MTUS1: variants seen among roughly 807,000 people sequenced by gnomAD.
The protein encoded by MTUS1 is microtubule-associated tumor suppressor 1.
MTUS1 carries 109 observed loss-of-function variants against 120.8 expected under a neutral mutation model. The ratio of observed to expected loss-of-function variants is 0.90; its 90% CI spans 0.77 to 1.06. The LOEUF is 1.06. MTUS1 is among the 50% of genes least tolerant of loss of function. The probability of loss-of-function intolerance (pLI) is 0.00; values close to 1 mark genes in which losing one functional copy is unlikely to be tolerated. For missense variants in MTUS1, 2,210 were observed against 1,486.3 expected (o/e 1.49, Z -8.01); for synonymous variants, 737 against 550.5 (o/e 1.34, Z -4.74).
At chr8:17,719,789 A>C (rs1823048568) in intron 4 of MTUS1, among the ~76,000 whole-genome samples, 1 of 152,204 alleles carries the variant, frequency 6.6e-6, no homozygotes, top group Admixed American at 6.5e-5. Context: ...TTGTGAGAGA[A>C]GAAAAAAAAC....
intron 11 of MTUS1, 38 bp from the exon 12 acceptor site, chr8:17,653,319 A>G: frequency 1.3e-6 from 2 of 1,491,256 alleles, no homozygotes; most frequent in Non-Finnish European, 1.8e-6. Context: ...AGTTAACAAG[A>G]AAACCCCAGA....
At chr8:17,651,905 T>G (rs1563563899) in intron 12 of MTUS1, 1 of 152,228 alleles carries the variant, frequency 6.6e-6, no homozygotes, top group African/African-American at 2.4e-5. Flanking sequence ...AAGTCTAGAT[T>G]TCTTTTGAAA....
intron 6 of MTUS1, among the ~76,000 whole-genome samples, chr8:17,712,338 T>C (rs974773757): frequency 2.6e-5 from 4 of 151,652 alleles, no homozygotes; most frequent in African/African-American, 9.7e-5. Context: ...GATCAATCCA[T>C]CTATCTTTTT....
chr8:17,699,033 C>G (rs1384005262), intron 6 of MTUS1, among the ~76,000 whole-genome samples: 2 of 152,100 alleles, frequency 1.3e-5, no homozygotes, highest in East Asian at 3.8e-4. Context: ...CTCTACCTCC[C>G]AAAACCTTGT....
chr8:17,726,031 G>A (rs1022624732), intron 3 of MTUS1, among the ~76,000 whole-genome samples: 6 of 152,010 alleles, frequency 3.9e-5, no homozygotes, highest in African/African-American at 9.7e-5. Context: ...ACACCCCTTC[G>A]TGGTTTCTCT....
intron 2 of MTUS1, among the ~76,000 whole-genome samples, chr8:17,750,512 AT>A (rs2048105253): frequency 2.6e-5 from 4 of 152,212 alleles, no homozygotes; most frequent in African/African-American, 9.7e-5. Context: ...TTGAAACCGT[AT>A]GGTGTATGGA....
intron 4 of MTUS1, among the ~76,000 whole-genome samples, chr8:17,720,344 T>TA (rs78717757): frequency 0.049 from 6,621 of 134,282 alleles, 270 homozygotes; most frequent in South Asian, 0.16. Flanking sequence ...AAACTCCATC[T>TA]AAAAAAAAAA....
chr8:17,714,195 C>A (rs934512315), intron 5 of MTUS1, among the ~76,000 whole-genome samples: 5 of 152,218 alleles, frequency 3.3e-5, no homozygotes, highest in African/African-American at 9.6e-5. Flanking sequence ...CAAATGACAA[C>A]CTGCTGCACA....
chr8:17,742,885 T>C (rs2047446049), intron 3 of MTUS1, among the ~76,000 whole-genome samples: 2 of 152,206 alleles, frequency 1.3e-5, no homozygotes, highest in African/African-American at 4.8e-5. Context: ...GACATGACTT[T>C]AATTTGCCCA....
chr8:17,749,909 C>A (rs1350421254), intron 2 of MTUS1, among the ~76,000 whole-genome samples: 2 of 152,076 alleles, frequency 1.3e-5, no homozygotes, highest in Non-Finnish European at 2.9e-5. Context: ...ATGTTTGGCT[C>A]AGAATAAATC....
chr8:17,735,602 G>A (rs1015999671), intron 3 of MTUS1, among the ~76,000 whole-genome samples: 1 of 152,134 alleles, frequency 6.6e-6, no homozygotes, highest in African/African-American at 2.4e-5. Flanking sequence ...AGCAACCCCA[G>A]CAGCCTCCTC....
chr8:17,770,391 T>C (rs537135039), intron 1 of MTUS1: 16 of 152,340 alleles, frequency 1.1e-4, no homozygotes, highest in Non-Finnish European at 2.1e-4. Flanking sequence ...GTGGTTTTAA[T>C]TTAAATGCCC....
intron 8 of MTUS1, among the ~76,000 whole-genome samples, chr8:17,660,889 A>C (rs568008733): frequency 6.6e-6 from 1 of 152,350 alleles, no homozygotes; most frequent in South Asian, 2.1e-4. Flanking sequence ...AGAAACTCAC[A>C]AAGCAGAGAA....
At chr8:17,757,691 T>A (rs2048728574) in intron 1 of MTUS1, among the ~76,000 whole-genome samples, 1 of 152,138 alleles carries the variant, frequency 6.6e-6, no homozygotes, top group South Asian at 2.1e-4. Flanking sequence ...CATGCGTGGC[T>A]GATTTTTGTA....
chr8:17,725,255 G>A (rs569423035), intron 3 of MTUS1, among the ~76,000 whole-genome samples: 2 of 152,284 alleles, frequency 1.3e-5, no homozygotes, highest in African/African-American at 2.4e-5. Context: ...GTCAAATAAT[G>A]CTGCTGGAAA....
chr8:17,668,260 C>G (rs982618152), intron 8 of MTUS1, among the ~76,000 whole-genome samples: 3 of 152,164 alleles, frequency 2.0e-5, no homozygotes, highest in African/African-American at 7.2e-5. Context: ...AGTGTTAGTG[C>G]ATTTTATGTG....
rs1007594484 is a variant in MTUS1, at chr8:17,646,075, G to A, written c.3664C>T (p.Arg1222Ter). Residue 1222 changes from arginine to a stop codon, truncating the protein, a stop_gained, in exon 15 of 15, where the codon CGA becomes TGA. Transcript: ENST00000693296. LOFTEE classifies it high-confidence loss of function. ...AGCTCCTCGTTTTCCATAGAGAGTC[G>A]CTTGTTGACTTTCGACTCCTTCTCC... ...SLEKESKVNK[R>*]LSMENEELLW... 4.3e-6 allele frequency: 7 copies of A among 1,613,220 alleles called. No homozygotes were observed. Among genetic ancestry groups the A allele is most frequent in the South Asian group, 1.1e-5 (1 of 90,932 alleles).
intron 8 of MTUS1, among the ~76,000 whole-genome samples, chr8:17,660,075 A>G (rs925624224): frequency 2.0e-5 from 3 of 152,010 alleles, no homozygotes; most frequent in South Asian, 2.1e-4. Flanking sequence ...TGAAGGCTCA[A>G]TATTATTCCA....
chr8:17,756,154 G>A (rs2048592463), intron 1 of MTUS1, among the ~76,000 whole-genome samples, 193 bp from the exon 2 acceptor site: 1 of 152,072 alleles, frequency 6.6e-6, no homozygotes, highest in Non-Finnish European at 1.5e-5. Flanking sequence ...TAATTTGAGG[G>A]AATAGCAAAT....
Sources: allele counts gnomAD v4.1 joint callset (sites outside exome capture counted in the v4.1 genomes callset), GRCh38; gene constraint gnomAD v4.1.1; transcripts MANE v1.5; gene names NCBI Gene and HGNC (gene_info 2026-07-23, HGNC 2026-07-21).